Variants in MYO6 observed in about 807,000 individuals in gnomAD.
MYO6 encodes the protein unconventional myosin-VI.
Under a neutral mutation model 178.7 loss-of-function variants are expected in MYO6, and 74 were observed. That is an observed-to-expected ratio of 0.41 (90% confidence interval 0.34 to 0.50). The LOEUF (loss-of-function observed/expected upper bound fraction) is 0.50. Ranked by LOEUF, MYO6 falls within the 20% of genes least tolerant of loss-of-function variation. The probability of loss-of-function intolerance (pLI) is 0.09; values close to 1 mark genes in which losing one functional copy is unlikely to be tolerated. For missense variants in MYO6, 1,330 were observed against 1,547.4 expected, an observed-to-expected ratio of 0.86 and a Z score of 2.36; for synonymous variants, 477 against 504.6, an observed-to-expected ratio of 0.95 and a Z score of 0.73.
At chr6:75,752,109 C>T (rs1462261599) in intron 1 of MYO6, among the ~76,000 whole-genome samples, 1 of 151,842 alleles carries the variant, frequency 6.6e-6, no homozygotes, top group Non-Finnish European at 1.5e-5. Flanking sequence ...TCTCCTGCCT[C>T]AGCCTCCTGA....
At chr6:75,766,183 C>T (rs943003928) in intron 1 of MYO6, among the ~76,000 whole-genome samples, 4 of 152,006 alleles carry the variant, frequency 2.6e-5, no homozygotes, top group Admixed American at 2.6e-4. Context: ...GTTAGCTGGG[C>T]GGGGTGGCGG....
At chr6:75,830,263 A>C (rs961177254) in intron 4 of MYO6, among the ~76,000 whole-genome samples, 153 bp from the exon 5 acceptor site, 1 of 152,224 alleles carries the variant, frequency 6.6e-6, no homozygotes, top group Non-Finnish European at 1.5e-5. Context: ...TATAAAGATC[A>C]GGGAATACTC....
At chr6:75,895,377 T>C in intron 29 of MYO6, 117 bp downstream of exon 29, 1 of 785,750 alleles carries the variant, frequency 1.3e-6, no homozygotes, top group South Asian at 1.7e-5. Flanking sequence ...TGAGATAACC[T>C]TTTTCATATT....
rs750946470 is a variant in MYO6 at position 75,862,657 on chromosome 6, C to T, written c.1608C>T (p.Pro536=). ...TTTTGGATGAAGAAAATCGCCTTCC[C>T]CAGCCAAGTGATCAACACTTTACAT... ...LDILDEENRL[P]QPSDQHFTSA... is the part of the protein sequence containing the mutation. The change falls in exon 16 of 35, where the codon CCC becomes CCT. Residue 536 remains proline, a synonymous_variant. Transcript: ENST00000369977. The T allele has an allele frequency of 1.9e-6, 3 of 1,613,962 alleles. No individual in the cohort carries two copies. Among genetic ancestry groups the T allele is most frequent in the Middle Eastern group, 1.6e-4 (1 of 6,062 alleles).
chr6:75,756,325 G>A (rs796497001), intron 1 of MYO6, among the ~76,000 whole-genome samples: 19 of 152,112 alleles, frequency 1.2e-4, no homozygotes, highest in African/African-American at 3.9e-4. Flanking sequence ...AATTTTAATA[G>A]CAGCTATTGT....
rs749031242 is a variant in MYO6 at position 75,805,002 on chromosome 6, C to CATATAT, written c.-47-12484_-47-12479dup. 2.1e-3 allele frequency among the ~76,000 whole-genome samples: 137 copies of CATATAT among 63,950 alleles called. 2 individuals carry two copies. Among genetic ancestry groups the CATATAT allele is most frequent in the South Asian group, 2.6e-3 (5 of 1,914 alleles). 42.0% of individuals were successfully genotyped at this position (63,950 alleles called of 152,430 possible). On this transcript the variant is annotated intron_variant, in intron 1 of 34. Transcript: ENST00000369977. ...ACACACATATATATATACACACACA[C>CATATAT]ATATATATATATATATATATTTTTT...
At chr6:75,855,042 TG>T in intron 11 of MYO6, 96 bp from the exon 12 acceptor site, 1 of 1,106,610 alleles carries the variant, frequency 9.0e-7, no homozygotes, top group Non-Finnish European at 1.3e-6. Flanking sequence ...GCCTATTATA[TG>T]GTTTTTTGTA....
intron 1 of MYO6, among the ~76,000 whole-genome samples, chr6:75,807,552 A>C (rs375430914): frequency 6.6e-6 from 1 of 151,472 alleles, no homozygotes; most frequent in Non-Finnish European, 1.5e-5. Context: ...CCTATTTTCT[A>C]TTGTTACAGG....
chr6:75,911,259 G>A (rs781761733), intron 32 of MYO6, among the ~76,000 whole-genome samples: 1 of 151,884 alleles, frequency 6.6e-6, no homozygotes, highest in Non-Finnish European at 1.5e-5. Context: ...TTACCAAAAC[G>A]TAGTAACGTT....
chr6:75,785,756 T>C (rs952540448), intron 1 of MYO6, among the ~76,000 whole-genome samples: 1 of 151,974 alleles, frequency 6.6e-6, no homozygotes, highest in African/African-American at 2.4e-5. Flanking sequence ...AATTTTTGTA[T>C]ATGATGTGCA....
At chr6:75,897,068 G>A (rs1363920139) in intron 29 of MYO6, among the ~76,000 whole-genome samples, 4 of 152,168 alleles carry the variant, frequency 2.6e-5, no homozygotes, top group Non-Finnish European at 4.4e-5. Flanking sequence ...GTCAGAGCAT[G>A]CAGAAAAACA....
At chr6:75,792,735 T>C (rs1768371953) in intron 1 of MYO6, among the ~76,000 whole-genome samples, 1 of 152,158 alleles carries the variant, frequency 6.6e-6, no homozygotes, top group Admixed American at 6.5e-5. Context: ...TTTTTCATTA[T>C]TGTGTATATT....
At chr6:75,800,644 A>AAGT (rs1769358105) in intron 1 of MYO6, among the ~76,000 whole-genome samples, 1 of 152,162 alleles carries the variant, frequency 6.6e-6, no homozygotes, top group Non-Finnish European at 1.5e-5. Context: ...TTGATTTCCT[A>AAGT]AGTAGTGATA....
chr6:75,817,510 G>A lies in MYO6; in HGVS notation c.-38G>A. ...TGTTCCTTTGAAACAGGTGACAGTG[G>A]ATAGTGGAAACAGGAGATCGTGGAT... On this transcript the variant is annotated 5_prime_UTR_variant, in exon 2 of 35. Transcript: ENST00000369977. 6.7e-7 allele frequency: 1 copy of A among 1,492,660 alleles called. No individual in the cohort carries two copies. The highest frequency in any genetic ancestry group is 9.4e-7 in the Non-Finnish European group (1 of 1,069,518). The allele number at this position is 1,492,660 out of a possible 1,614,324, so 92.5% of individuals were successfully genotyped here.
chr6:75,751,349 C>G (rs1378116089), intron 1 of MYO6, among the ~76,000 whole-genome samples: 2 of 151,882 alleles, frequency 1.3e-5, no homozygotes, highest in Non-Finnish European at 2.9e-5. Context: ...TTTTCAGAAA[C>G]CATTGTAAAT....
chr6:75,819,003 T>C (rs896154452), intron 2 of MYO6, among the ~76,000 whole-genome samples: 1 of 152,332 alleles, frequency 6.6e-6, no homozygotes, highest in East Asian at 1.9e-4. Context: ...ATAGTTGTTA[T>C]GTATATTTTG....
intron 20 of MYO6, among the ~76,000 whole-genome samples, chr6:75,878,979 A>G (rs141093076): frequency 1.7e-3 from 253 of 152,336 alleles, no homozygotes; most frequent in Middle Eastern, 6.8e-3. Context: ...TAATCATCCC[A>G]GTAGTCTAGT....
chr6:75,885,936 GTT>G lies in MYO6; in HGVS notation c.2417-62_2417-61del. ...CTTGAGCATTACTTTGTGAAAATGA[GTT>G]TTTTTAATATATGTTAGATTTAAAC... On this transcript the variant is annotated intron_variant, in intron 23 of 34. Coordinates refer to ENST00000369977, the MANE Select transcript of MYO6 (RefSeq NM_004999.4). 2.2e-5 allele frequency: 21 copies of G among 953,868 alleles called. No individual in the cohort carries two copies. In the South Asian group the frequency reaches 3.2e-4, roughly 14 times the overall value. The allele number at this position is 953,868 out of a possible 1,614,324, so 59.1% of individuals were successfully genotyped here. A position where few individuals can be genotyped will look rare whatever the true frequency, so the allele number is the denominator to read the frequency against.
At chr6:75,782,218 A>G (rs973189808) in intron 1 of MYO6, among the ~76,000 whole-genome samples, 2 of 152,190 alleles carry the variant, frequency 1.3e-5, no homozygotes, top group African/African-American at 4.8e-5. Flanking sequence ...ATGATAGACC[A>G]AAATGCAATT....
Sources: allele counts gnomAD v4.1 joint callset (sites outside exome capture counted in the v4.1 genomes callset), GRCh38; gene constraint gnomAD v4.1.1; transcripts MANE v1.5; gene names NCBI Gene and HGNC (gene_info 2026-07-23, HGNC 2026-07-21).